CD1A: variants seen among roughly 807,000 people sequenced by gnomAD.
The protein encoded by CD1A is T-cell surface glycoprotein CD1a.
Under a neutral mutation model 38.3 loss-of-function variants are expected in CD1A, and 50 were observed. The ratio of observed to expected loss-of-function variants is 1.30; its 90% CI spans 1.04 to 1.65. The LOEUF (loss-of-function observed/expected upper bound fraction) is 1.65. Among genes scored for constraint, CD1A ranks in the 40% most tolerant of loss-of-function variants. The pLI, the probability that CD1A is intolerant of heterozygous loss-of-function variation, is 0.00. For synonymous variants in CD1A, 160 were observed against 150.8 expected, an observed-to-expected ratio of 1.06 and a Z score of -0.45; for missense variants, 459 against 406.1, an observed-to-expected ratio of 1.13 and a Z score of -1.12.
intron 2 of CD1A, 105 bp downstream of exon 2, chr1:158,255,455 T>C: frequency 8.2e-7 from 1 of 1,221,992 alleles, no homozygotes; most frequent in Non-Finnish European, 1.1e-6. Context: ...TGTATCTTAT[T>C]CTATTCTTTC....
At chr1:158,250,890 T>C (rs1174390061), upstream of CD1A, among the ~76,000 whole-genome samples, 1 of 152,196 alleles carries the variant, frequency 6.6e-6, no homozygotes, top group African/African-American at 2.4e-5. Flanking sequence ...CAGGACCCAT[T>C]CCACATGAGA....
upstream of CD1A, among the ~76,000 whole-genome samples, chr1:158,252,869 G>T (rs1389691503): frequency 6.6e-6 from 1 of 152,128 alleles, no homozygotes; most frequent in African/African-American, 2.4e-5. Flanking sequence ...CTGAACTCCA[G>T]CCTGGGTGAC....
In CD1A at chr1:158,255,263, T is replaced by C. The variant is rs750898544; in HGVS notation, c.238T>C (p.Trp80Arg). ...CAGGGGAAACTTCAGCAATGAGGAGTGGAAGGAACTGGAAACATTATTCCG... is the reference window on the plus strand; with the variant it reads ...CAGGGGAAACTTCAGCAATGAGGAGCGGAAGGAACTGGAAACATTATTCCG... ...WSRGNFSNEE[W>R]KELETLFRIR... The change falls in exon 2 of 6, where the codon TGG (tryptophan) becomes CGG (arginine). Residue 80 changes from tryptophan (W) to arginine (R), a missense_variant. By Grantham distance (101) the Trp-to-Arg change is moderately radical. Transcript: ENST00000289429. 6.8e-6 allele frequency: 11 copies of C among 1,613,934 alleles called. No homozygotes were observed. Among genetic ancestry groups the C allele is most frequent in the Non-Finnish European group, 9.3e-6 (11 of 1,179,974 alleles).
At chr1:158,257,349 C>A in intron 4 of CD1A, 72 bp from the exon 5 acceptor site, 1 of 1,139,284 alleles carries the variant, frequency 8.8e-7, no homozygotes, top group Non-Finnish European at 1.3e-6. Context: ...CCAGGGAATG[C>A]AGTGAAATAG....
At chr1:158,254,227 G>C, upstream of CD1A, 3 of 1,024,908 alleles carry the variant, frequency 2.9e-6, no homozygotes, top group Non-Finnish European at 3.5e-6. Context: ...CAGGGGAAGA[G>C]AATACATGGG....
At chr1:158,249,746 A>G (rs1165556075), upstream of CD1A, among the ~76,000 whole-genome samples, 1 of 152,118 alleles carries the variant, frequency 6.6e-6, no homozygotes, top group African/African-American at 2.4e-5. Context: ...CTAATGTTGT[A>G]CCCCTTGGGC....
At chr1:158,257,600 C>G (rs1023710008) in intron 5 of CD1A, 81 bp from the exon 6 acceptor site, 3 of 1,566,538 alleles carry the variant, frequency 1.9e-6, no homozygotes, top group Non-Finnish European at 2.6e-6. Flanking sequence ...CAGTTCTTCT[C>G]TCCCCAGTCC....
Position 158,257,670 on chromosome 1 carries a change from T to C in CD1A, c.975-11T>C, listed in dbSNP as rs781441003. 4 of 1,613,960 alleles carry C rather than the reference T, an allele frequency of 2.5e-6. No individual in the cohort carries two copies. Among genetic ancestry groups the C allele is most frequent in the Non-Finnish European group, 3.4e-6 (4 of 1,179,840 alleles). On this transcript the variant is annotated splice_polypyrimidine_tract_variant and intron_variant, in intron 5 of 5. Coordinates refer to ENST00000289429, the MANE Select transcript of CD1A (RefSeq NM_001763.3). ...TTATTCAGAGTGACTTCTATCTCTG[T>C]TCTCATCCAGTTTCTGTTAAGACAC...
intron 1 of CD1A, 70 bp downstream of exon 1, chr1:158,254,797 G>A (rs879207959): frequency 1.9e-6 from 1 of 526,466 alleles, no homozygotes; most frequent in Non-Finnish European, 3.4e-6. Flanking sequence ...GTGTGTGTGT[G>A]TGTGTGTGTG....
At chr1:158,257,590 CA>C in intron 5 of CD1A, 79 bp downstream of exon 5, 3 of 1,563,150 alleles carry the variant, frequency 1.9e-6, no homozygotes, top group Non-Finnish European at 2.6e-6. Context: ...TTTCTCTCCT[CA>C]GTTCTTCTCT....
chr1:158,251,444 T>C (rs1467724754), upstream of CD1A, among the ~76,000 whole-genome samples: 2 of 152,230 alleles, frequency 1.3e-5, no homozygotes, highest in East Asian at 3.9e-4. Flanking sequence ...TACATTGCTC[T>C]GTTCCTAGGG....
chr1:158,253,936 C>T (rs1650149992), upstream of CD1A, among the ~76,000 whole-genome samples: 1 of 150,952 alleles, frequency 6.6e-6, no homozygotes, highest in African/African-American at 2.4e-5. Flanking sequence ...TGCTTGACTC[C>T]AGGCAGGTGC....
intron 3 of CD1A, 72 bp from the exon 4 acceptor site, chr1:158,256,714 C>A: frequency 6.6e-7 from 1 of 1,507,140 alleles, no homozygotes; most frequent in Non-Finnish European, 9.0e-7. Flanking sequence ...ATGTGTCTAT[C>A]TAAACTTCTA....
rs1430642849 is a variant in CD1A at position 158,254,434 on chromosome 1, T to C, written c.-236T>C. The C allele has an allele frequency of 2.9e-6, 4 of 1,356,430 alleles. No homozygotes were observed. Among genetic ancestry groups the C allele is most frequent in the African/African-American group, 3.0e-5 (2 of 67,518 alleles). 84.0% of individuals were successfully genotyped at this position (1,356,430 alleles called of 1,614,324 possible). A position where few individuals can be genotyped will look rare whatever the true frequency, so the allele number is the denominator to read the frequency against. On this transcript the variant is annotated 5_prime_UTR_variant, in exon 1 of 6. Coordinates refer to ENST00000289429, the MANE Select transcript of CD1A (RefSeq NM_001763.3). ...TAGGGGAAGGTGAATAAGTTGGAGG[T>C]TGGTGACAAGGAGAGAAGCTGGAAC...
At chr1:158,257,547 C>A in intron 5 of CD1A, 36 bp downstream of exon 5, 1 of 1,584,124 alleles carries the variant, frequency 6.3e-7, no homozygotes, top group Non-Finnish European at 8.7e-7. Flanking sequence ...TACTCTTAGC[C>A]TCTACCCCAC....
upstream of CD1A, among the ~76,000 whole-genome samples, chr1:158,251,627 CTT>C (rs1650091372): frequency 6.6e-6 from 1 of 152,106 alleles, no homozygotes; most frequent in Non-Finnish European, 1.5e-5. Context: ...AGAGCACTGT[CTT>C]TTGTTCTGGT....
chr1:158,257,511 G>A lies in CD1A; in HGVS notation c.974G>A (p.Cys325Tyr). Residue 325 changes from cysteine (C) to tyrosine (Y), a missense_variant and splice_region_variant, in exon 5 of 6, where the codon TGT becomes TAT. Physicochemically the swap from Cys to Tyr is radical, Grantham distance 194. Coordinates refer to ENST00000289429, the MANE Select transcript of CD1A (RefSeq NM_001763.3). ...CTTGCGCTTTGGTTCAGGAAACGCT[G>A]GTGAGTTCTTTGCATGTGTCTTTCC... ...IGLALWFRKR[C>Y]FC is the part of the protein sequence containing the mutation. The A allele has an allele frequency of 6.2e-7, 1 of 1,612,646 alleles. No individual in the cohort carries two copies. The highest frequency in any genetic ancestry group is 8.5e-7 in the Non-Finnish European group (1 of 1,178,684).
chr1:158,257,051 C>T lies in CD1A; in HGVS notation c.870C>T (p.Ile290=), dbSNP rs757980794. Residue 290 remains isoleucine, a synonymous_variant, in exon 4 of 6, where the codon ATC becomes ATT. Transcript: ENST00000289429. ...VKHSSLEGQD[I]VLYWEHHSSV... Reference sequence around the variant, plus strand: ...ACAGCAGTCTAGAGGGCCAGGACATCGTCCTCTACTGGGGTGAGAAAAAGC... The same window carrying T: ...ACAGCAGTCTAGAGGGCCAGGACATTGTCCTCTACTGGGGTGAGAAAAAGC... 9.9e-6 allele frequency: 16 copies of T among 1,610,474 alleles called. No homozygotes were observed. In the Admixed American group the frequency reaches 1.2e-4, roughly 12 times the overall value.
upstream of CD1A, among the ~76,000 whole-genome samples, chr1:158,251,232 G>A (rs1158252096): frequency 6.6e-6 from 1 of 152,236 alleles, no homozygotes; most frequent in African/African-American, 2.4e-5. Flanking sequence ...TTCATGTACA[G>A]TAGGCAGAAG....
Sources: gnomAD v4.1 joint callset for allele counts (sites outside exome capture counted in the v4.1 genomes callset) on GRCh38, gnomAD v4.1.1 for gene constraint, MANE v1.5 for transcripts, NCBI Gene and HGNC (gene_info 2026-07-23, HGNC 2026-07-21) for gene names.